The following KDM4C variants were observed in gnomAD, a reference collection of about 807,000 sequenced individuals.
KDM4C encodes the protein lysine-specific demethylase 4C.
A neutral mutation model predicts 129.3 loss-of-function variants in KDM4C; 81 were observed. That is an observed-to-expected ratio of 0.63 (90% CI 0.52 to 0.75). The LOEUF (loss-of-function observed/expected upper bound fraction) is 0.75. KDM4C is among the 30% of genes least tolerant of loss of function. The pLI is 0.00. For missense variants in KDM4C, 1,457 were observed against 1,304.0 expected, an observed-to-expected ratio of 1.12 and a Z score of -1.81; for synonymous variants, 573 against 456.1, an observed-to-expected ratio of 1.26 and a Z score of -3.26.
chr9:7,047,833 G>C lies in KDM4C; in HGVS notation c.2315+916G>C, dbSNP rs142238501. ...GTGTCAGTGGGGCAGGTACTCCTCA[G>C]TTCACCATGACTTCCTAGTATATGT... On this transcript the variant is annotated intron_variant, in intron 16 of 21. Transcript: ENST00000381309. 2.7e-4 allele frequency among the ~76,000 whole-genome samples: 41 copies of C among 152,134 alleles called. No homozygotes were observed. The East Asian group carries it at 5.8e-3, about 22-fold the overall frequency.
At chr9:6,887,917 C>T (rs760555088) in intron 6 of KDM4C, 43 bp from the exon 7 acceptor site, 25 of 1,142,800 alleles carry the variant, frequency 2.2e-5, no homozygotes, top group Non-Finnish European at 3.2e-5. Flanking sequence ...GATATTTTCT[C>T]TTAATCGACA....
chr9:7,085,268 T>A lies in KDM4C; in HGVS notation c.2425-18417T>A, dbSNP rs150459203. 6.5e-4 allele frequency among the ~76,000 whole-genome samples: 99 copies of A among 152,348 alleles called. 1 individual carries two copies. The highest frequency in any genetic ancestry group is 2.2e-3 in the African/African-American group (91 of 41,584). On this transcript the variant is annotated intron_variant, in intron 17 of 21. Transcript: ENST00000381309. ...TGTTGTGTGGCAGTGAGTAAACACT[T>A]CTTCGGACCTCAGTTTCTTCATCTC...
At chr9:6,847,150 TTG>T (rs933408326) in intron 4 of KDM4C, among the ~76,000 whole-genome samples, 2 of 152,212 alleles carry the variant, frequency 1.3e-5, no homozygotes, top group African/African-American at 4.8e-5. Context: ...GAGAAATAGT[TTG>T]TGTCTAAATT....
chr9:6,878,738 G>A (rs1293064908), intron 5 of KDM4C, among the ~76,000 whole-genome samples: 3 of 152,040 alleles, frequency 2.0e-5, no homozygotes, highest in Non-Finnish European at 4.4e-5. Context: ...GTATGTGTGT[G>A]TGTGTATGTA....
chr9:6,998,951 G>A (rs1376348993), intron 12 of KDM4C, among the ~76,000 whole-genome samples: 1 of 152,018 alleles, frequency 6.6e-6, no homozygotes, highest in South Asian at 2.1e-4. Context: ...TTCTGGCATC[G>A]CCTGGGATTT....
intron 8 of KDM4C, among the ~76,000 whole-genome samples, chr9:6,963,326 T>C (rs1409451147): frequency 2.6e-5 from 4 of 152,242 alleles, no homozygotes; most frequent in Non-Finnish European, 5.9e-5. Flanking sequence ...AGTTATTAAT[T>C]CATGCAGTAA....
chr9:7,049,724 CTG>C (rs1677689664), intron 17 of KDM4C, among the ~76,000 whole-genome samples: 1 of 152,082 alleles, frequency 6.6e-6, no homozygotes, highest in Admixed American at 6.6e-5. Context: ...TGTTCAGAAA[CTG>C]TGTAAAAATC....
intron 8 of KDM4C, among the ~76,000 whole-genome samples, chr9:6,975,506 T>C (rs1346230931): frequency 6.6e-6 from 1 of 152,240 alleles, no homozygotes; most frequent in East Asian, 1.9e-4. Context: ...CTGTTACTTA[T>C]TAGGTATGTG....
intron 19 of KDM4C, among the ~76,000 whole-genome samples, chr9:7,163,638 G>A (rs1207494045): frequency 6.6e-6 from 1 of 152,082 alleles, no homozygotes; most frequent in Non-Finnish European, 1.5e-5. Context: ...ACTGACGCAT[G>A]TAATCAGTTT....
intron 8 of KDM4C, among the ~76,000 whole-genome samples, chr9:6,933,259 A>G (rs1350660769): frequency 1.3e-5 from 2 of 152,248 alleles, no homozygotes; most frequent in Non-Finnish European, 2.9e-5. Flanking sequence ...AGGTAATTAC[A>G]TCTTCAGGTT....
intron 17 of KDM4C, chr9:7,076,645 C>T: frequency 1.5e-6 from 2 of 1,315,118 alleles, no homozygotes; most frequent in Non-Finnish European, 1.9e-6. Context: ...CTGGACTTTC[C>T]CTTTTGTATC....
intron 3 of KDM4C, among the ~76,000 whole-genome samples, 182 bp from the exon 4 acceptor site, chr9:6,814,449 A>G (rs530151689): frequency 1.3e-5 from 2 of 152,326 alleles, no homozygotes; most frequent in East Asian, 1.9e-4. Context: ...GTATTCAGCA[A>G]TCTTAAGACT....
At chr9:6,721,158 C>A in intron 1 of KDM4C, 2 of 482,360 alleles carry the variant, frequency 4.1e-6, no homozygotes, top group Non-Finnish European at 7.4e-6. Flanking sequence ...ACTGCAGCCT[C>A]AACATCCCAG....
chr9:6,905,601 C>G (rs548231157), intron 8 of KDM4C, among the ~76,000 whole-genome samples: 2 of 152,296 alleles, frequency 1.3e-5, no homozygotes, highest in African/African-American at 2.4e-5. Context: ...TTTGAGAAAG[C>G]ATGACCAAGA....
chr9:7,018,184 G>T (rs868189082), intron 15 of KDM4C, among the ~76,000 whole-genome samples: 1 of 152,184 alleles, frequency 6.6e-6, no homozygotes, highest in Non-Finnish European at 1.5e-5. Flanking sequence ...TAGGCTGTAC[G>T]ATGTAGCCCA....
intron 4 of KDM4C, among the ~76,000 whole-genome samples, chr9:6,842,980 A>G (rs1282167108): frequency 6.6e-6 from 1 of 151,756 alleles, no homozygotes; most frequent in Non-Finnish European, 1.5e-5. Context: ...CCCGGGCTGG[A>G]GTATAGTGGT....
chr9:6,911,776 C>T (rs1028824940), intron 8 of KDM4C, among the ~76,000 whole-genome samples: 35 of 152,002 alleles, frequency 2.3e-4, no homozygotes, highest in African/African-American at 6.3e-4. Flanking sequence ...CGTGTGTGAC[C>T]CAGCTGAATG....
intron 4 of KDM4C, among the ~76,000 whole-genome samples, chr9:6,842,420 C>T (rs772213704): frequency 1.1e-4 from 17 of 151,208 alleles, no homozygotes; most frequent in Non-Finnish European, 2.1e-4. Flanking sequence ...CTGCAACCTC[C>T]GCCTCCTGGG....
intron 17 of KDM4C, among the ~76,000 whole-genome samples, chr9:7,096,888 C>T (rs534546309): frequency 1.3e-5 from 2 of 152,266 alleles, no homozygotes; most frequent in African/African-American, 4.8e-5. Flanking sequence ...GCTGCTACTA[C>T]TAAGCGATCG....
Sources: gnomAD v4.1 joint callset for allele counts (sites outside exome capture counted in the v4.1 genomes callset) on GRCh38, gnomAD v4.1.1 for gene constraint, MANE v1.5 for transcripts, NCBI Gene and HGNC (gene_info 2026-07-23, HGNC 2026-07-21) for gene names.